The following RFX2 variants were observed in gnomAD, a reference collection of about 807,000 sequenced individuals.
The protein encoded by RFX2 is regulatory factor X2.
A neutral mutation model predicts 87.8 loss-of-function variants in RFX2; 20 were observed. The ratio of observed to expected loss-of-function variants is 0.23; its 90% confidence interval spans 0.16 to 0.33. The LOEUF is 0.33. RFX2 is among the 10% of genes least tolerant of loss of function. The probability of loss-of-function intolerance (pLI) is 1.00; values close to 1 mark genes in which losing one functional copy is unlikely to be tolerated. For synonymous variants in RFX2, 397 were observed against 431.3 expected (o/e 0.92, Z 0.98); for missense variants, 767 against 1,012.3 (o/e 0.76, Z 3.29).
At chr19:6,084,436 G>T (rs1385946947) in intron 1 of RFX2, among the ~76,000 whole-genome samples, 3 of 152,046 alleles carry the variant, frequency 2.0e-5, no homozygotes, top group Admixed American at 2.0e-4. Context: ...CACTCACACT[G>T]TTGTGCAACC....
At chr19:6,099,380 T>C (rs923408439) in intron 1 of RFX2, among the ~76,000 whole-genome samples, 1 of 152,260 alleles carries the variant, frequency 6.6e-6, no homozygotes, top group African/African-American at 2.4e-5. Flanking sequence ...TAATTAACAG[T>C]AGGGGTCTTT....
chr19:6,018,650 T>G (rs2086763554), intron 6 of RFX2, among the ~76,000 whole-genome samples: 1 of 152,220 alleles, frequency 6.6e-6, no homozygotes, highest in East Asian at 1.9e-4. Context: ...ACCAAAGAGC[T>G]GAGGACAAAA....
rs749078280 is a variant in RFX2, at chr19:6,002,054, A to C, written c.1651-31T>G. On this transcript the variant is annotated intron_variant, in intron 14 of 17. Coordinates refer to ENST00000303657, the MANE Select transcript of RFX2 (RefSeq NM_000635.4). The surrounding 1 kb of genome is among the most constrained non-coding windows in gnomAD (Gnocchi z 6.7). ...GGCAGGGCAGAGGCCAGTGTCAGCA[A>C]TGTGGACCCCCAGCCACGGCAGCCC... The C allele has an allele frequency of 6.4e-7, 1 of 1,559,780 alleles. No homozygotes were observed. Among genetic ancestry groups the C allele is most frequent in the Non-Finnish European group, 8.7e-7 (1 of 1,149,882 alleles).
rs370389256 is a variant in RFX2 at position 5,994,580 on chromosome 19, G to A, written c.*255C>T. The A allele has an allele frequency of 2.3e-4, 125 of 534,190 alleles. No individual in the cohort carries two copies. Among genetic ancestry groups the A allele is most frequent in the African/African-American group, 1.6e-3 (87 of 52,962 alleles). 33.1% of individuals were successfully genotyped at this position (534,190 alleles called of 1,614,324 possible). On this transcript the variant is annotated 3_prime_UTR_variant, in exon 18 of 18. Coordinates refer to ENST00000303657, the MANE Select transcript of RFX2 (RefSeq NM_000635.4). ...GTCCAGAATAAGGAACCCATGGTCT[G>A]GTGGGGCCCTGGTGGCTGCGCAGGG...
At chr19:6,103,897 C>G (rs1381491793) in intron 1 of RFX2, among the ~76,000 whole-genome samples, 4 of 152,196 alleles carry the variant, frequency 2.6e-5, no homozygotes, top group African/African-American at 4.8e-5. Context: ...AGGCCACTTA[C>G]TACTTATTTG....
Position 5,994,078 on chromosome 19 carries a change from T to C in RFX2, c.*757A>G, listed in dbSNP as rs2086370010. On this transcript the variant is annotated 3_prime_UTR_variant, in exon 18 of 18. Transcript: ENST00000303657. ...GTTTTGATTTTTTGAAAGACACTGC[T>C]GTGTCCTGGCACGAGCGAGCCCGTT... is the stretch of plus-strand genomic sequence containing the variant. 6.6e-6 allele frequency: 1 copy of C among 152,274 alleles called. No individual in the cohort carries two copies. The highest frequency in any genetic ancestry group is 2.4e-5 in the African/African-American group (1 of 41,464). 9.4% of individuals were successfully genotyped at this position (152,274 alleles called of 1,614,324 possible).
chr19:6,082,718 C>T (rs2087803000), intron 1 of RFX2, among the ~76,000 whole-genome samples: 1 of 152,128 alleles, frequency 6.6e-6, no homozygotes. Flanking sequence ...CAGGTGTTAG[C>T]CACTGGAAAA....
rs1330884399 is a variant in RFX2, at chr19:6,027,113, C to G, written c.523-876G>C. On this transcript the variant is annotated intron_variant, in intron 5 of 17. Coordinates refer to ENST00000303657, the MANE Select transcript of RFX2 (RefSeq NM_000635.4). This position sits in a 1 kb window ranked among gnomAD's most constrained non-coding sequence, Gnocchi z 5.0. ...CACCCTGACGACCAGAGGACTGAAG[C>G]GGGAGGAGATGAACTTGAAGTATAT... The G allele has an allele frequency of 1.3e-5, 2 of 152,246 alleles. No individual in the cohort carries two copies. Among genetic ancestry groups the G allele is most frequent in the Non-Finnish European group, 2.9e-5 (2 of 68,112 alleles). The allele number at this position is 152,246 out of a possible 1,614,324, so 9.4% of individuals were successfully genotyped here.
intron 1 of RFX2, among the ~76,000 whole-genome samples, chr19:6,078,698 C>G (rs989362594): frequency 6.6e-6 from 1 of 152,194 alleles, no homozygotes; most frequent in Admixed American, 6.5e-5. Context: ...GACAGAAAGA[C>G]GAAAAGAGAA....
In RFX2 at chr19:6,083,048, G is replaced by C. The variant is rs2087808125; in HGVS notation, c.-9+27345C>G. 6.6e-6 allele frequency among the ~76,000 whole-genome samples: 1 copy of C among 151,850 alleles called. No homozygotes were observed. Among genetic ancestry groups the C allele is most frequent in the South Asian group, 2.1e-4 (1 of 4,814 alleles). ...CAACCTCCCTGGGCTCAGGGAGTAC[G>C]GGCACGTGCCACTACCCCCAGCTAA... On this transcript the variant is annotated intron_variant, in intron 1 of 17. Coordinates refer to ENST00000303657, the MANE Select transcript of RFX2 (RefSeq NM_000635.4). The surrounding 1 kb of genome is among the most constrained non-coding windows in gnomAD (Gnocchi z 4.6).
chr19:6,103,480 T>A (rs940221731), intron 1 of RFX2, among the ~76,000 whole-genome samples: 8 of 152,130 alleles, frequency 5.3e-5, no homozygotes, highest in African/African-American at 1.9e-4. Flanking sequence ...ACCAGGCCAG[T>A]CCCCGGCTCC....
chr19:6,088,496 T>A (rs1347297466), intron 1 of RFX2, among the ~76,000 whole-genome samples: 1 of 150,388 alleles, frequency 6.6e-6, no homozygotes, highest in Admixed American at 6.6e-5. Flanking sequence ...CAGGCTTGAG[T>A]CACCATGCCA....
intron 1 of RFX2, among the ~76,000 whole-genome samples, chr19:6,048,872 C>T (rs1439187563): frequency 6.6e-6 from 1 of 151,594 alleles, no homozygotes; most frequent in Admixed American, 6.6e-5. Flanking sequence ...CACCGCTCCC[C>T]GGCCCCCGCC....
At chr19:6,028,591 C>T (rs1682951979) in intron 5 of RFX2, among the ~76,000 whole-genome samples, 1 of 152,012 alleles carries the variant, frequency 6.6e-6, no homozygotes, top group African/African-American at 2.4e-5. Flanking sequence ...GTAAGGAACT[C>T]TAGAACCCAT....
At chr19:6,006,793 A>C (rs1351127323) in intron 12 of RFX2, among the ~76,000 whole-genome samples, 1 of 147,356 alleles carries the variant, frequency 6.8e-6, no homozygotes, top group Non-Finnish European at 1.5e-5. Context: ...GGGTCTCACT[A>C]TGCTGCCCAG....
At chr19:6,018,017 C>G (rs1243139377) in intron 6 of RFX2, among the ~76,000 whole-genome samples, 2 of 151,972 alleles carry the variant, frequency 1.3e-5, no homozygotes, top group Non-Finnish European at 2.9e-5. Flanking sequence ...CTCTGTCACC[C>G]AGGCTGGAGG....
rs1423517158 is a variant in RFX2 at position 6,050,132 on chromosome 19, C to G, written c.-8-2628G>C. Among the ~76,000 whole-genome samples, 1 of 152,282 alleles carries G rather than the reference C, an allele frequency of 6.6e-6. No homozygotes were observed. Among genetic ancestry groups the G allele is most frequent in the East Asian group, 1.9e-4 (1 of 5,182 alleles). ...GATACCAGGGGTCTTGGGGAAAAAC[C>G]AGCAGTGCAAAGATAAAAAAATTAA... On this transcript the variant is annotated intron_variant, in intron 1 of 17. Transcript: ENST00000303657. The surrounding 1 kb of genome is among the most constrained non-coding windows in gnomAD (Gnocchi z 4.6).
At chr19:6,008,526 C>G (rs1036798710) in intron 9 of RFX2, among the ~76,000 whole-genome samples, 3 of 151,654 alleles carry the variant, frequency 2.0e-5, no homozygotes, top group African/African-American at 4.9e-5. Context: ...GTGGGCGCCA[C>G]GATGCCAGCT....
In RFX2 at chr19:6,024,833, G is replaced by A. The variant is rs1305271105; in HGVS notation, c.597+1330C>T. On this transcript the variant is annotated intron_variant, in intron 6 of 17. Coordinates refer to ENST00000303657, the MANE Select transcript of RFX2 (RefSeq NM_000635.4). The surrounding 1 kb of genome is among the most constrained non-coding windows in gnomAD (Gnocchi z 5.0). Reference sequence around the variant, plus strand: ...GGACGGGAGTGAGGACGGGATCACGGTGAGGACGGGAGTGAGGACGGGATC... The same window carrying A: ...GGACGGGAGTGAGGACGGGATCACGATGAGGACGGGAGTGAGGACGGGATC... Among the ~76,000 whole-genome samples the A allele has an allele frequency of 7.9e-6, 1 of 126,418 alleles. No individual in the cohort carries two copies. The highest frequency in any genetic ancestry group is 1.7e-5 in the Non-Finnish European group (1 of 60,462). 82.9% of individuals were successfully genotyped at this position (126,418 alleles called of 152,430 possible). A position where few individuals can be genotyped will look rare whatever the true frequency, so the allele number is the denominator to read the frequency against.
Sources: gnomAD v4.1 joint callset for allele counts (sites outside exome capture counted in the v4.1 genomes callset) on GRCh38, gnomAD v4.1.1 for gene constraint, Gnocchi (gnomAD v3.1) non-coding constraint, MANE v1.5 for transcripts, NCBI Gene and HGNC (gene_info 2026-07-23, HGNC 2026-07-21) for gene names.